GALNT18: variants seen among roughly 807,000 people sequenced by gnomAD.
GALNT18 encodes GalNAc-transferase 18.
In GALNT18, 44 loss-of-function variants were observed where a neutral mutation model predicts 69.5. That is an observed-to-expected ratio of 0.63 (90% CI 0.50 to 0.81). GALNT18 has a LOEUF of 0.81. Ranked by LOEUF, GALNT18 falls within the 40% of genes least tolerant of loss-of-function variation. The probability of loss-of-function intolerance (pLI) is 0.00; values close to 1 mark genes in which losing one functional copy is unlikely to be tolerated. For missense variants in GALNT18, 715 were observed against 810.0 expected (o/e 0.88, Z 1.42); for synonymous variants, 364 against 318.2 (o/e 1.14, Z -1.53).
rs920713050 is a variant in GALNT18 at position 11,600,431 on chromosome 11, A to G, written c.235+20928T>C. On this transcript the variant is annotated intron_variant, in intron 1 of 10. Coordinates refer to ENST00000227756, the MANE Select transcript of GALNT18 (RefSeq NM_198516.3). This position sits in a 1 kb window ranked among gnomAD's most constrained non-coding sequence, Gnocchi z 4.8. Reference sequence around the variant, plus strand: ...TTTTGCTGTGTAATGATTCTTGGTTAACTTTTTTTTCTTTCAGCACTTTGA... The same window carrying G: ...TTTTGCTGTGTAATGATTCTTGGTTGACTTTTTTTTCTTTCAGCACTTTGA... Among the ~76,000 whole-genome samples the G allele has an allele frequency of 5.9e-5, 9 of 151,830 alleles. No homozygotes were observed. The highest frequency in any genetic ancestry group is 8.8e-5 in the Non-Finnish European group (6 of 67,954).
At chr11:11,575,156 G>T (rs1858891742) in intron 1 of GALNT18, among the ~76,000 whole-genome samples, 1 of 152,122 alleles carries the variant, frequency 6.6e-6, no homozygotes, top group South Asian at 2.1e-4. Flanking sequence ...ATGGGGCAGT[G>T]GAAGCCAGTC....
intron 6 of GALNT18, among the ~76,000 whole-genome samples, chr11:11,362,363 A>AAAACAAAC (rs571109608): frequency 6.6e-6 from 1 of 152,098 alleles, no homozygotes; most frequent in African/African-American, 2.4e-5. Flanking sequence ...TTTGGATGGC[A>AAAACAAAC]AAACAAACAA....
intron 1 of GALNT18, among the ~76,000 whole-genome samples, chr11:11,549,850 G>A (rs1858149210): frequency 6.6e-6 from 1 of 152,184 alleles, no homozygotes; most frequent in Non-Finnish European, 1.5e-5. Flanking sequence ...TCCTTATTCA[G>A]CCTACACCTG....
chr11:11,279,956 A>G (rs548907175), intron 10 of GALNT18, among the ~76,000 whole-genome samples: 13 of 152,304 alleles, frequency 8.5e-5, no homozygotes, highest in South Asian at 2.1e-4. Flanking sequence ...GTCACAGATG[A>G]AGGAGGCAGG....
At chr11:11,280,330 C>G (rs1039887939) in intron 10 of GALNT18, among the ~76,000 whole-genome samples, 2 of 152,162 alleles carry the variant, frequency 1.3e-5, no homozygotes, top group African/African-American at 4.8e-5. Flanking sequence ...TGAAAGAGAC[C>G]TTGAAGGCCA....
intron 6 of GALNT18, among the ~76,000 whole-genome samples, chr11:11,348,589 T>C (rs1850345115): frequency 6.6e-6 from 1 of 152,084 alleles, no homozygotes; most frequent in Non-Finnish European, 1.5e-5. Flanking sequence ...TTCCTTAACA[T>C]GGTTTGCAAG....
At position 11,586,980 on chromosome 11, in the gene GALNT18, C is replaced by G. The variant is rs1042758763; in HGVS notation, c.235+34379G>C. On this transcript the variant is annotated intron_variant, in intron 1 of 10. Coordinates refer to ENST00000227756, the MANE Select transcript of GALNT18 (RefSeq NM_198516.3). This position sits in a 1 kb window ranked among gnomAD's most constrained non-coding sequence, Gnocchi z 4.1. Reference sequence around the variant, plus strand: ...TCCAGCCTGGGGAACAAGAGTGAAACCCCATCTCCAAATAAATAAATAAAT... The same window carrying G: ...TCCAGCCTGGGGAACAAGAGTGAAAGCCCATCTCCAAATAAATAAATAAAT... Among the ~76,000 whole-genome samples the G allele has an allele frequency of 6.6e-6, 1 of 151,394 alleles. No homozygotes were observed. Among genetic ancestry groups the G allele is most frequent in the South Asian group, 2.1e-4 (1 of 4,812 alleles).
Position 11,614,524 on chromosome 11 carries a change from A to G in GALNT18, c.235+6835T>C, listed in dbSNP as rs924280828. Among the ~76,000 whole-genome samples, 3 of 152,310 alleles carry G rather than the reference A, an allele frequency of 2.0e-5. No individual in the cohort carries two copies. Among genetic ancestry groups the G allele is most frequent in the African/African-American group, 7.2e-5 (3 of 41,568 alleles). ...ACACCTCCCACTAGGCCCCACCTCA[A>G]ACACTGGGGACCACATTTCAACATG... On this transcript the variant is annotated intron_variant, in intron 1 of 10. Transcript: ENST00000227756. This position sits in a 1 kb window ranked among gnomAD's most constrained non-coding sequence, Gnocchi z 5.6.
chr11:11,272,767 C>G (rs1848853484), intron 10 of GALNT18, among the ~76,000 whole-genome samples: 1 of 151,892 alleles, frequency 6.6e-6, no homozygotes, highest in Non-Finnish European at 1.5e-5. Flanking sequence ...CCTCCTCAGT[C>G]TACAAGCTGG....
chr11:11,569,930 G>A (rs1431524975), intron 1 of GALNT18, among the ~76,000 whole-genome samples: 2 of 152,074 alleles, frequency 1.3e-5, no homozygotes, highest in African/African-American at 4.8e-5. Flanking sequence ...ACTTTGGTTC[G>A]GGGACATTTA....
At chr11:11,516,119 T>G (rs962633535) in intron 1 of GALNT18, among the ~76,000 whole-genome samples, 11 of 152,136 alleles carry the variant, frequency 7.2e-5, no homozygotes, top group African/African-American at 2.4e-4. Context: ...TAGCCCCTGA[T>G]CAGGCACAGG....
intron 1 of GALNT18, among the ~76,000 whole-genome samples, chr11:11,608,007 A>T (rs1185806898): frequency 6.6e-6 from 1 of 152,236 alleles, no homozygotes; most frequent in East Asian, 1.9e-4. Flanking sequence ...CCCAGTCTGG[A>T]GGGCTCAGAA....
chr11:11,452,681 G>A (rs1325860037), intron 1 of GALNT18, among the ~76,000 whole-genome samples: 1 of 152,224 alleles, frequency 6.6e-6, no homozygotes, highest in African/African-American at 2.4e-5. Context: ...GACAGGCAAA[G>A]AGGCCTCAGA....
In GALNT18 at chr11:11,619,456, A is replaced by G. The variant is rs1328799176; in HGVS notation, c.235+1903T>C. ...TGTGGAACCTTAGAAATCATGTGAC[A>G]TGGTCCACATTCCACATGACTGGCA... On this transcript the variant is annotated intron_variant, in intron 1 of 10. Transcript: ENST00000227756. This position sits in a 1 kb window ranked among gnomAD's most constrained non-coding sequence, Gnocchi z 4.9. Among the ~76,000 whole-genome samples, 1 of 152,162 alleles carries G rather than the reference A, an allele frequency of 6.6e-6. No individual in the cohort carries two copies. Among genetic ancestry groups the G allele is most frequent in the Admixed American group, 6.5e-5 (1 of 15,280 alleles).
Position 11,511,445 on chromosome 11 carries a change from T to C in GALNT18, c.236-62509A>G, listed in dbSNP as rs1160780143. ...ACAGCTAACAGAGCGACCCCATACA[T>C]GTGATCCCCAGAATAGGCCCCAGAC... On this transcript the variant is annotated intron_variant, in intron 1 of 10. Coordinates refer to ENST00000227756, the MANE Select transcript of GALNT18 (RefSeq NM_198516.3). The surrounding 1 kb of genome is among the most constrained non-coding windows in gnomAD (Gnocchi z 4.9). Among the ~76,000 whole-genome samples, 1 of 152,086 alleles carries C rather than the reference T, an allele frequency of 6.6e-6. No homozygotes were observed. Among genetic ancestry groups the C allele is most frequent in the African/African-American group, 2.4e-5 (1 of 41,414 alleles).
At position 11,555,800 on chromosome 11, in the gene GALNT18, TG is replaced by T. The variant is rs148717518; in HGVS notation, c.235+65558del. ...CCATGACCAGGTGGAATAGCCTGGCTGGGGATGCATCTCTACCAGACCAAGT... is the reference window on the plus strand; with the variant it reads ...CCATGACCAGGTGGAATAGCCTGGCTGGGATGCATCTCTACCAGACCAAGT... On this transcript the variant is annotated intron_variant, in intron 1 of 10. Coordinates refer to ENST00000227756, the MANE Select transcript of GALNT18 (RefSeq NM_198516.3). This position sits in a 1 kb window ranked among gnomAD's most constrained non-coding sequence, Gnocchi z 4.7. 0.013 allele frequency among the ~76,000 whole-genome samples: 1,939 copies of T among 152,250 alleles called. 43 individuals are homozygous for T. Among genetic ancestry groups the T allele is most frequent in the African/African-American group, 0.043 (1,806 of 41,558 alleles).
intron 1 of GALNT18, among the ~76,000 whole-genome samples, chr11:11,485,681 T>C (rs904383172): frequency 3.3e-5 from 5 of 152,086 alleles, no homozygotes; most frequent in African/African-American, 1.2e-4. Context: ...ACCAACTGTA[T>C]ACCAACTGTG....
At position 11,435,964 on chromosome 11, in the gene GALNT18, G is replaced by A. The variant is rs1330105548; in HGVS notation, c.429-3177C>T. Among the ~76,000 whole-genome samples, 1 of 152,206 alleles carries A rather than the reference G, an allele frequency of 6.6e-6. No homozygotes were observed. The highest frequency in any genetic ancestry group is 1.5e-5 in the Non-Finnish European group (1 of 68,038). On this transcript the variant is annotated intron_variant, in intron 2 of 10. Transcript: ENST00000227756. The surrounding 1 kb of genome is among the most constrained non-coding windows in gnomAD (Gnocchi z 4.4). ...TTCTTTTCTCTTCTCTCCTGGGACT[G>A]CTGGGGCCTCCTGGCGACAGCCATG...
intron 1 of GALNT18, among the ~76,000 whole-genome samples, chr11:11,553,016 C>T (rs1412335315): frequency 6.6e-6 from 1 of 152,110 alleles, no homozygotes; most frequent in African/African-American, 2.4e-5. Context: ...TAATCTAGAT[C>T]AGTAGTTTTC....
Sources: allele counts gnomAD v4.1 joint callset (sites outside exome capture counted in the v4.1 genomes callset), GRCh38; gene constraint gnomAD v4.1.1; non-coding constraint Gnocchi (gnomAD v3.1); transcripts MANE v1.5; gene names NCBI Gene and HGNC (gene_info 2026-07-23, HGNC 2026-07-21).